The following ERICH1 variants were observed in gnomAD, a reference collection of about 807,000 sequenced individuals.
ERICH1 encodes glutamate-rich protein 1.
In ERICH1, 56 loss-of-function variants were observed where a neutral mutation model predicts 39.6. The observed-to-expected ratio is 1.41, with a 90% CI of 1.14 to 1.77. The LOEUF is 1.77. Ranked by LOEUF, ERICH1 falls within the 40% of genes most tolerant of loss-of-function variation. The pLI is 0.00. For missense variants in ERICH1, 826 were observed against 575.4 expected, an observed-to-expected ratio of 1.44 and a Z score of -4.45; for synonymous variants, 313 against 223.6, an observed-to-expected ratio of 1.40 and a Z score of -3.57.
At chr8:717,662 G>T (rs931526176) in intron 1 of ERICH1, among the ~76,000 whole-genome samples, 1 of 152,174 alleles carries the variant, frequency 6.6e-6, no homozygotes, top group Admixed American at 6.5e-5. Flanking sequence ...ATAACCAGCC[G>T]TCCAATTCTG....
chr8:709,014 G>C (rs1814095616), intron 2 of ERICH1, among the ~76,000 whole-genome samples: 1 of 151,958 alleles, frequency 6.6e-6, no homozygotes, highest in African/African-American at 2.4e-5. Context: ...TTTTGGTGTG[G>C]TAAGAATATT....
intron 1 of ERICH1, among the ~76,000 whole-genome samples, chr8:720,050 AC>A (rs1463833698): frequency 6.6e-6 from 1 of 152,214 alleles, no homozygotes; most frequent in Non-Finnish European, 1.5e-5. Context: ...AGAAAGCAGA[AC>A]GCGGCCCTAG....
At chr8:663,038 C>T (rs760747607), downstream of ERICH1, among the ~76,000 whole-genome samples, 4 of 152,226 alleles carry the variant, frequency 2.6e-5, no homozygotes, top group African/African-American at 4.8e-5. Context: ...GAGTGGCGTC[C>T]GCTGCCACAT....
chr8:640,451 A>G (rs1798853864), intron 3 of ERICH1: 1 of 152,208 alleles, frequency 6.6e-6, no homozygotes, highest in Admixed American at 6.5e-5. Context: ...TACTCCCATG[A>G]GTCTCAGATG....
chr8:619,956 T>C (rs1425464578), intron 3 of ERICH1, among the ~76,000 whole-genome samples: 3 of 152,110 alleles, frequency 2.0e-5, no homozygotes, highest in Non-Finnish European at 4.4e-5. Context: ...TATTACATTA[T>C]AAAATAGCCA....
intron 2 of ERICH1, among the ~76,000 whole-genome samples, chr8:703,696 C>T (rs1443974410): frequency 2.0e-5 from 3 of 152,204 alleles, no homozygotes; most frequent in Non-Finnish European, 4.4e-5. Flanking sequence ...ACGAAGGGTG[C>T]AGCCGGAAGG....
At chr8:637,365 A>T (rs1357299999) in intron 3 of ERICH1, among the ~76,000 whole-genome samples, 1 of 152,188 alleles carries the variant, frequency 6.6e-6, no homozygotes, top group Non-Finnish European at 1.5e-5. Context: ...CCTGGGCTAC[A>T]CGTTCCTCTA....
chr8:654,681 G>A (rs375926371), intron 3 of ERICH1, among the ~76,000 whole-genome samples: 6 of 152,142 alleles, frequency 3.9e-5, no homozygotes, highest in Non-Finnish European at 7.4e-5. Flanking sequence ...CTTAGGTGAC[G>A]TCCCCGAGGC....
intron 3 of ERICH1, chr8:615,683 A>C (rs1796867708): frequency 6.1e-6 from 1 of 162,764 alleles, no homozygotes; most frequent in Non-Finnish European, 1.3e-5. Flanking sequence ...TAGTCAGTCT[A>C]GTCTAAACAG....
chr8:677,428 C>A (rs1250055591), intron 3 of ERICH1, among the ~76,000 whole-genome samples: 1 of 152,226 alleles, frequency 6.6e-6, no homozygotes, highest in African/African-American at 2.4e-5. Context: ...GCTGAAGCAG[C>A]TCCGCACACA....
At chr8:711,647 G>A (rs1320093295) in intron 2 of ERICH1, among the ~76,000 whole-genome samples, 6 of 152,024 alleles carry the variant, frequency 3.9e-5, no homozygotes, top group Admixed American at 3.3e-4. Context: ...ACAGGCGCCC[G>A]CCACCATGCC....
At chr8:664,174 G>GA (rs964937492), downstream of ERICH1, 61 of 912,684 alleles carry the variant, frequency 6.7e-5, no homozygotes, top group South Asian at 1.4e-3. Flanking sequence ...GTAGAGAAGA[G>GA]AAAAAAAACT....
chr8:728,283 G>A (rs1043162629), intron 1 of ERICH1, among the ~76,000 whole-genome samples: 1 of 152,212 alleles, frequency 6.6e-6, no homozygotes, highest in African/African-American at 2.4e-5. Context: ...GAAGCAAGGA[G>A]CAAGTCCTGT....
At chr8:618,168 G>T (rs377483555) in intron 3 of ERICH1, among the ~76,000 whole-genome samples, 27 of 140,406 alleles carry the variant, frequency 1.9e-4, no homozygotes, top group African/African-American at 6.5e-4. Flanking sequence ...GCTCAGTACT[G>T]AGTACTCCAT....
At chr8:716,137 G>A in intron 1 of ERICH1, 130 bp from the exon 2 acceptor site, 1 of 1,158,518 alleles carries the variant, frequency 8.6e-7, no homozygotes, top group East Asian at 2.8e-5. Flanking sequence ...CCAAGTCCCT[G>A]GTCCTCCCAC....
chr8:664,768 A>G (rs1260954765), intron 5 of ERICH1, 92 bp from the exon 6 acceptor site: 2 of 994,010 alleles, frequency 2.0e-6, no homozygotes, highest in Non-Finnish European at 3.0e-6. Flanking sequence ...CTTTGGGCCC[A>G]AAGTGAACTC....
intron 4 of ERICH1, among the ~76,000 whole-genome samples, chr8:670,887 C>G (rs3735914): frequency 6.6e-6 from 1 of 151,642 alleles, no homozygotes; most frequent in African/African-American, 2.4e-5. Flanking sequence ...TCCCCAGGAT[C>G]CAACCTCTGA....
chr8:651,941 G>A (rs1300423766), intron 3 of ERICH1, among the ~76,000 whole-genome samples: 2 of 152,214 alleles, frequency 1.3e-5, no homozygotes, highest in Non-Finnish European at 2.9e-5. Context: ...GGTAATAAAT[G>A]TGGCAGGAAT....
intron 3 of ERICH1, among the ~76,000 whole-genome samples, chr8:681,901 G>A (rs572811204): frequency 1.3e-5 from 2 of 152,244 alleles, no homozygotes; most frequent in African/African-American, 4.8e-5. Context: ...CTTGACACCT[G>A]ATTGGGCTCC....
Sources: allele counts gnomAD v4.1 joint callset (sites outside exome capture counted in the v4.1 genomes callset), GRCh38; gene constraint gnomAD v4.1.1; transcripts MANE v1.5; gene names NCBI Gene and HGNC (gene_info 2026-07-23, HGNC 2026-07-21).